USP43: variants seen among roughly 807,000 people sequenced by gnomAD.
USP43 encodes the protein ubiquitin carboxyl-terminal hydrolase 43.
A neutral mutation model predicts 90.7 loss-of-function variants in USP43; 33 were observed. That is an observed-to-expected ratio of 0.36 (90% CI 0.28 to 0.49). USP43 has a LOEUF of 0.49. Ranked by LOEUF, USP43 falls within the 20% of genes least tolerant of loss-of-function variation. The pLI is 0.98. For synonymous variants in USP43, 598 were observed against 615.8 expected (o/e 0.97, Z 0.43); for missense variants, 1,274 against 1,476.4 (o/e 0.86, Z 2.25).
At chr17:9,694,651 C>A (rs1915152483) in intron 9 of USP43, among the ~76,000 whole-genome samples, 1 of 152,014 alleles carries the variant, frequency 6.6e-6, no homozygotes, top group Non-Finnish European at 1.5e-5. Flanking sequence ...GAGATGGAGT[C>A]TCGCTTTGTC....
At chr17:9,727,564 A>G (rs373660466) in intron 14 of USP43, among the ~76,000 whole-genome samples, 23 of 152,164 alleles carry the variant, frequency 1.5e-4, no homozygotes, top group African/African-American at 5.5e-4. Flanking sequence ...TGAAAGGTAC[A>G]AGGACCTAAT....
At chr17:9,646,555 T>C (rs2151958040) in intron 1 of USP43, among the ~76,000 whole-genome samples, 1 of 152,072 alleles carries the variant, frequency 6.6e-6, no homozygotes, top group East Asian at 1.9e-4. Context: ...ATCTGAATGA[T>C]GAGAAGGATG....
At chr17:9,650,867 G>A (rs1911810347) in intron 1 of USP43, among the ~76,000 whole-genome samples, 1 of 152,014 alleles carries the variant, frequency 6.6e-6, no homozygotes, top group African/African-American at 2.4e-5. Flanking sequence ...GGTTTTTGGG[G>A]AACCGGCAGT....
chr17:9,652,860 A>G (rs1484373655), intron 1 of USP43, among the ~76,000 whole-genome samples: 3 of 152,228 alleles, frequency 2.0e-5, no homozygotes, highest in East Asian at 1.9e-4. Context: ...ACCATTTGCT[A>G]CTATTTTGCC....
chr17:9,676,057 G>T (rs917569333), intron 4 of USP43, among the ~76,000 whole-genome samples: 1 of 152,156 alleles, frequency 6.6e-6, no homozygotes, highest in African/African-American at 2.4e-5. Flanking sequence ...GGGAAGCAGA[G>T]ATTTCCAAAG....
chr17:9,684,268 T>C (rs1375227116), intron 7 of USP43, among the ~76,000 whole-genome samples: 1 of 152,146 alleles, frequency 6.6e-6, no homozygotes, highest in African/African-American at 2.4e-5. Flanking sequence ...ATGTTTTAAA[T>C]ATATTTAAAA....
At chr17:9,697,163 G>A (rs1042800641) in intron 9 of USP43, among the ~76,000 whole-genome samples, 2 of 152,260 alleles carry the variant, frequency 1.3e-5, no homozygotes, top group Admixed American at 1.3e-4. Flanking sequence ...CTTGCAGTGA[G>A]CCGAGATTGT....
rs559862725 is a variant in USP43 at position 9,728,152 on chromosome 17, C to T, written c.2534C>T (p.Thr845Met). ...YLESRRRPRSTSQSIVSLLTG... is the reference protein window; with the variant it reads ...YLESRRRPRSMSQSIVSLLTG... ...GAATCCAGACGAAGACCTCGGTCCACGAGCCAGTCCATTGTGTCGCTGTTG... is the reference window on the plus strand; with the variant it reads ...GAATCCAGACGAAGACCTCGGTCCATGAGCCAGTCCATTGTGTCGCTGTTG... The change falls in exon 15 of 15, where the codon ACG becomes ATG. Residue 845 changes from threonine to methionine, a missense_variant. Physicochemically the swap from Thr to Met is moderately conservative, Grantham distance 81 (BLOSUM62 -1). Around this residue, in one of 6 missense-constraint regions of USP43, gnomAD observed 285 missense variants for 349.6 expected, o/e 0.82. Coordinates refer to ENST00000285199, the MANE Select transcript of USP43 (RefSeq NM_153210.5). This position sits in a 1 kb window ranked among gnomAD's most constrained non-coding sequence, Gnocchi z 6.2. 8.7e-6 allele frequency: 14 copies of T among 1,611,906 alleles called. No homozygotes were observed. The highest frequency in any genetic ancestry group is 5.3e-5 in the African/African-American group (4 of 74,958).
At chr17:9,705,364 A>G (rs1430186072) in intron 12 of USP43, among the ~76,000 whole-genome samples, 2 of 147,770 alleles carry the variant, frequency 1.4e-5, no homozygotes, top group African/African-American at 5.0e-5. Context: ...CAGCTTCTCC[A>G]TCTTCTTTTA....
At chr17:9,710,214 A>G in intron 13 of USP43, 100 bp downstream of exon 13, 1 of 1,277,150 alleles carries the variant, frequency 7.8e-7, no homozygotes, top group Non-Finnish European at 1.0e-6. Flanking sequence ...GAGGTTGGCA[A>G]GGATCTGAAA....
intron 12 of USP43, among the ~76,000 whole-genome samples, chr17:9,704,084 G>T (rs575616584): frequency 1.1e-3 from 173 of 152,250 alleles, no homozygotes; most frequent in African/African-American, 4.0e-3. Context: ...GGGTTTTGCT[G>T]TTGAGAATGG....
rs1915598168 is a variant in USP43 at position 9,701,895 on chromosome 17, T to TG, written c.2011+200dup. Among the ~76,000 whole-genome samples the TG allele has an allele frequency of 6.6e-6, 1 of 152,008 alleles. No homozygotes were observed. Among genetic ancestry groups the TG allele is most frequent in the South Asian group, 2.1e-4 (1 of 4,818 alleles). ...CAAGGACCTGCCCTGTAGGAGCTGGTGGGGGAGAGAGAATTCCAGTAAAAT... is the reference window on the plus strand; with the variant it reads ...CAAGGACCTGCCCTGTAGGAGCTGGTGGGGGGAGAGAGAATTCCAGTAAAAT... On this transcript the variant is annotated intron_variant, in intron 12 of 14. Coordinates refer to ENST00000285199, the MANE Select transcript of USP43 (RefSeq NM_153210.5). This position sits in a 1 kb window ranked among gnomAD's most constrained non-coding sequence, Gnocchi z 7.2.
chr17:9,694,451 A>G (rs1009285446), intron 9 of USP43, among the ~76,000 whole-genome samples: 193 of 152,228 alleles, frequency 1.3e-3, no homozygotes, highest in African/African-American at 4.5e-3. Context: ...CTGTGAGCTA[A>G]TTGTCACCAG....
chr17:9,673,520 A>C (rs1201670519), intron 3 of USP43, among the ~76,000 whole-genome samples: 1 of 148,524 alleles, frequency 6.7e-6, no homozygotes, highest in Non-Finnish European at 1.5e-5. Flanking sequence ...AAAAACAAAC[A>C]AAAAAAAGTT....
At chr17:9,697,943 A>C (rs952403672) in intron 9 of USP43, among the ~76,000 whole-genome samples, 3 of 152,224 alleles carry the variant, frequency 2.0e-5, no homozygotes, top group Non-Finnish European at 4.4e-5. Flanking sequence ...GAACTAATTT[A>C]CATTCCAACC....
chr17:9,682,723 T>C, intron 6 of USP43, 100 bp from the exon 7 acceptor site: 19 of 1,465,302 alleles, frequency 1.3e-5, no homozygotes, highest in Non-Finnish European at 1.6e-5. Flanking sequence ...TGGTGGTTAA[T>C]AGATGCTCAA....
chr17:9,695,683 A>C (rs57611827), intron 9 of USP43, among the ~76,000 whole-genome samples: 51,359 of 151,616 alleles, frequency 0.34, 10,475 homozygotes, highest in East Asian at 0.7. Flanking sequence ...GGATTGTTAC[A>C]TTTACCTTGT....
At chr17:9,666,190 T>A (rs1262624415) in intron 2 of USP43, among the ~76,000 whole-genome samples, 1 of 152,142 alleles carries the variant, frequency 6.6e-6, no homozygotes, top group Non-Finnish European at 1.5e-5. Context: ...AATACTCATG[T>A]GAAACTGACT....
At chr17:9,669,438 A>G (rs1338792958) in intron 3 of USP43, among the ~76,000 whole-genome samples, 2 of 152,106 alleles carry the variant, frequency 1.3e-5, no homozygotes, top group Non-Finnish European at 2.9e-5. Context: ...TGCTTGGTCC[A>G]ATAGTTACCA....
Sources: gnomAD v4.1 joint callset for allele counts (sites outside exome capture counted in the v4.1 genomes callset) on GRCh38, gnomAD v4.1.1 for gene constraint, gnomAD v4.1.1 regional missense constraint, Gnocchi (gnomAD v3.1) non-coding constraint, MANE v1.5 for transcripts, NCBI Gene and HGNC (gene_info 2026-07-23, HGNC 2026-07-21) for gene names.